Variants in AKAP4 observed in about 807,000 individuals in gnomAD.
The protein encoded by AKAP4 is A-kinase anchoring protein 4.
AKAP4 carries 4 observed loss-of-function variants against 42.6 expected under a neutral mutation model. The ratio of observed to expected loss-of-function variants is 0.09; its 90% CI spans 0.05 to 0.22. The LOEUF (loss-of-function observed/expected upper bound fraction) is 0.22. AKAP4 is among the 10% of genes least tolerant of loss of function. AKAP4 has a pLI of 1.00. For synonymous variants in AKAP4, 223 were observed against 233.0 expected, an observed-to-expected ratio of 0.96 and a Z score of 0.39; for missense variants, 551 against 630.7, an observed-to-expected ratio of 0.87 and a Z score of 1.35.
intron 1 of AKAP4, among the ~76,000 whole-genome samples, chrX:50,199,885 C>T (rs1935241348): frequency 1.3e-5 from 1 of 75,490 alleles, no homozygotes; most frequent in East Asian, 4.8e-4. Context: ...TTTCTCCCTC[C>T]TTCTTTCCTT....
In AKAP4 at chrX:50,193,285, C is replaced by G; in HGVS notation, c.1428G>C (p.Glu476Asp). 5.0e-6 allele frequency: 6 copies of G among 1,211,690 alleles called. No individual in the cohort carries two copies. Among genetic ancestry groups the G allele is most frequent in the Non-Finnish European group, 6.7e-6 (6 of 895,584 alleles). ...CTGATTTCATTTTGCCTTTGTCCCT[C>G]TCTTTCATTTCAGCTTTCATGGTGG... Reference protein sequence around the residue: ...EFSTMKAEMKERDKGKMKSDP... With the variant: ...EFSTMKAEMKDRDKGKMKSDP... The change falls in exon 5 of 6, where the codon GAG becomes GAC. Residue 476 changes from glutamate to aspartate, a missense_variant. Coordinates refer to ENST00000358526, the MANE Select transcript of AKAP4 (RefSeq NM_003886.3).
intron 1 of AKAP4, chrX:50,200,287 T>C (rs1386879133): frequency 1.3e-6 from 1 of 752,270 alleles, no homozygotes; most frequent in Non-Finnish European, 1.6e-6. Flanking sequence ...AGAAGGGAGA[T>C]GTGCCCCTTT....
rs142687955 is a variant in AKAP4, at chrX:50,192,872, T to C, written c.1841A>G (p.Lys614Arg). ...CTGGGAGTCCAGGTGTTGGTTCTCCTTTTGACAGGTGGATGGTCCAGGGGC... is the reference window on the plus strand; with the variant it reads ...CTGGGAGTCCAGGTGTTGGTTCTCCCTTTGACAGGTGGATGGTCCAGGGGC... ...HRAPGPSTCQKENQHLDSQKM... is the reference protein window; with the variant it reads ...HRAPGPSTCQRENQHLDSQKM... Residue 614 changes from lysine to arginine, a missense_variant, in exon 5 of 6, where the codon AAG becomes AGG. By Grantham distance (26) the Lys-to-Arg change is conservative. Coordinates refer to ENST00000358526, the MANE Select transcript of AKAP4 (RefSeq NM_003886.3). 57 of 1,210,398 alleles carry C rather than the reference T, an allele frequency of 4.7e-5. No individual in the cohort carries two copies. The African/African-American group carries it at 8.9e-4, about 19-fold the overall frequency.
At position 50,192,309 on chromosome X, in the gene AKAP4, C is replaced by T; in HGVS notation, c.2404G>A (p.Glu802Lys). The part of the protein sequence containing the change: ...YFMGDKDGQL[E>K]KLPQVSAKAA... Reference sequence around the variant, plus strand: ...TGCCTTAATGCATTACTTACCTTTTCCAGTTGTCCATCCTTATCTCCCATG... The same window carrying T: ...TGCCTTAATGCATTACTTACCTTTTTCAGTTGTCCATCCTTATCTCCCATG... The change falls in exon 5 of 6, where the codon GAA becomes AAA. Residue 802 changes from glutamate to lysine, a missense_variant. By Grantham distance (56) the Glu-to-Lys change is moderately conservative. Coordinates refer to ENST00000358526, the MANE Select transcript of AKAP4 (RefSeq NM_003886.3). 1 of 1,187,124 alleles carries T rather than the reference C, an allele frequency of 8.4e-7. No individual in the cohort carries two copies. The highest frequency in any genetic ancestry group is 1.1e-6 in the Non-Finnish European group (1 of 884,158).
At chrX:50,191,665 AG>A (rs1557203622) in intron 5 of AKAP4, among the ~76,000 whole-genome samples, 2 of 23,544 alleles carry the variant, frequency 8.5e-5, no homozygotes, top group African/African-American at 3.2e-4. Context: ...TGTGTGAGAG[AG>A]AGAAAGAGAG....
intron 5 of AKAP4, 147 bp from the exon 6 acceptor site, chrX:50,191,262 T>A: frequency 1.7e-6 from 1 of 589,893 alleles, no homozygotes; most frequent in Non-Finnish European, 2.6e-6. Context: ...AGGATTAGGG[T>A]ACAGCATGTC....
intron 4 of AKAP4, among the ~76,000 whole-genome samples, chrX:50,195,195 G>C (rs1557204231): frequency 8.9e-6 from 1 of 111,948 alleles, no homozygotes; most frequent in African/African-American, 3.2e-5. Flanking sequence ...GTGTAAACAG[G>C]TGATTGTATA....
chrX:50,198,781 A>G, intron 1 of AKAP4, 29 bp from the exon 2 acceptor site: 2 of 1,101,814 alleles, frequency 1.8e-6, no homozygotes, highest in Non-Finnish European at 2.5e-6. Context: ...GAAAGCTGAA[A>G]TGCTTATATA....
intron 4 of AKAP4, among the ~76,000 whole-genome samples, chrX:50,195,246 A>G (rs1236280680): frequency 1.8e-5 from 2 of 112,026 alleles, no homozygotes; most frequent in Non-Finnish European, 3.8e-5. Flanking sequence ...AATTTATGTT[A>G]TATTTATATG....
chrX:50,192,098 C>T (rs898678320), intron 5 of AKAP4, among the ~76,000 whole-genome samples: 7 of 111,310 alleles, frequency 6.3e-5, no homozygotes, highest in African/African-American at 2.0e-4. Context: ...CACTCTCCTC[C>T]TCTTGGTGGA....
At chrX:50,195,778 T>C (rs1217239711) in intron 4 of AKAP4, among the ~76,000 whole-genome samples, 1 of 111,959 alleles carries the variant, frequency 8.9e-6, no homozygotes, top group Non-Finnish European at 1.9e-5. Flanking sequence ...TATAAATGTA[T>C]ACATTGATGT....
chrX:50,200,129 T>C (rs782788774), intron 1 of AKAP4: 3 of 588,506 alleles, frequency 5.1e-6, no homozygotes, highest in African/African-American at 2.6e-5. Context: ...ACTAGCCTAG[T>C]AAAAAAAGAG....
chrX:50,197,608 GA>G lies in AKAP4; in HGVS notation c.124-15del. 1.7e-6 allele frequency: 2 copies of G among 1,197,394 alleles called. No homozygotes were observed. Among genetic ancestry groups the G allele is most frequent in the Non-Finnish European group, 2.3e-6 (2 of 884,335 alleles). On this transcript the variant is annotated splice_polypyrimidine_tract_variant and intron_variant, in intron 2 of 5. Coordinates refer to ENST00000358526, the MANE Select transcript of AKAP4 (RefSeq NM_003886.3). The stretch of plus-strand genomic sequence containing the variant: ...GACAAAGCATATCTGCATCAAATTA[GA>G]AGGGTGAATTTAGAAAAACTCTAGA...
chrX:50,194,511 A>G (rs1450785510), intron 4 of AKAP4, 75 bp from the exon 5 acceptor site: 1 of 862,263 alleles, frequency 1.2e-6, no homozygotes, highest in Non-Finnish European at 1.6e-6. Flanking sequence ...TAGAAGATGT[A>G]TCAGATTAGG....
chrX:50,199,611 AACAC>A (rs782093869), intron 1 of AKAP4, among the ~76,000 whole-genome samples: 13 of 111,446 alleles, frequency 1.2e-4, no homozygotes, highest in Non-Finnish European at 2.3e-4. Context: ...TTATGCTTAG[AACAC>A]ACAGTTAAGA....
At position 50,194,428 on chromosome X, in the gene AKAP4, T is replaced by G. The variant is rs1242172808; in HGVS notation, c.285A>C (p.Gly95=). 1 of 1,190,490 alleles carries G rather than the reference T, an allele frequency of 8.4e-7. No individual in the cohort carries two copies. Among genetic ancestry groups the G allele is most frequent in the Non-Finnish European group, 1.1e-6 (1 of 887,033 alleles). ...TEKKDQSKTE[G]SVCLFKQAPS... is the part of the protein sequence containing the mutation. ...GAGCTTGTTTGAAAAGGCATACAGATCCCTCTGTCTAAAAAAAGAAGAAGA... is the reference window on the plus strand; with the variant it reads ...GAGCTTGTTTGAAAAGGCATACAGAGCCCTCTGTCTAAAAAAAGAAGAAGA... Residue 95 remains glycine, a synonymous_variant, in exon 5 of 6, where the codon GGA becomes GGC. Transcript: ENST00000358526.
rs1557203962 is a variant in AKAP4 at position 50,193,430 on chromosome X, T to C, written c.1283A>G (p.Lys428Arg). The change falls in exon 5 of 6, where the codon AAG (lysine) becomes AGG (arginine). Residue 428 changes from lysine (K) to arginine (R), a missense_variant. By Grantham distance (26) the Lys-to-Arg change is conservative (BLOSUM62 2). Transcript: ENST00000358526. ...ACCTATAAGGGCACTGACCAAGCGC[T>C]TCAGCATGGCCTCCATGATGTCTGT... ...NATDIMEAML[K>R]RLVSALIGEE... is the part of the protein sequence containing the mutation. 1.7e-6 allele frequency: 2 copies of C among 1,210,400 alleles called. No individual in the cohort carries two copies. Among genetic ancestry groups the C allele is most frequent in the African/African-American group, 1.7e-5 (1 of 57,270 alleles).
chrX:50,194,073 T>C lies in AKAP4; in HGVS notation c.640A>G (p.Ile214Val), dbSNP rs1935157232. 1 of 1,211,530 alleles carries C rather than the reference T, an allele frequency of 8.3e-7. No homozygotes were observed. Among genetic ancestry groups the C allele is most frequent in the Non-Finnish European group, 1.1e-6 (1 of 895,271 alleles). Residue 214 changes from isoleucine to valine, a missense_variant, in exon 5 of 6, where the codon ATA becomes GTA. Transcript: ENST00000358526. ...TTGACGTAGAAGGAAAGGTCATCTA[T>C]AGAACATTCTCCATCAGGGGAAATG... ...AVISPDGECS[I>V]DDLSFYVNRL...
chrX:50,197,435 C>T (rs1423713579), intron 3 of AKAP4, 109 bp downstream of exon 3: 5 of 686,021 alleles, frequency 7.3e-6, no homozygotes, highest in Non-Finnish European at 8.7e-6. Flanking sequence ...CCCTGAGTCC[C>T]CTCCTCCTTT....
Sources: gnomAD v4.1 joint callset for allele counts (sites outside exome capture counted in the v4.1 genomes callset) on GRCh38, gnomAD v4.1.1 for gene constraint, MANE v1.5 for transcripts, NCBI Gene and HGNC (gene_info 2026-07-23, HGNC 2026-07-21) for gene names.